The following OR2L13 variants were observed in gnomAD, a reference collection of about 807,000 sequenced individuals.
OR2L13 encodes the protein olfactory receptor 2L13.
Under a neutral mutation model 15.3 loss-of-function variants are expected in OR2L13, and 14 were observed. The ratio of observed to expected loss-of-function variants is 0.91; its 90% CI spans 0.60 to 1.43. OR2L13 has a LOEUF of 1.43. Ranked by LOEUF, OR2L13 falls within the 40% of genes most tolerant of loss-of-function variation. The pLI is 0.00. For synonymous variants in OR2L13, 152 were observed against 142.9 expected (o/e 1.06, Z -0.45); for missense variants, 367 against 387.9 (o/e 0.95, Z 0.45).
At chr1:248,008,169 T>G in the OR2L13 span, among the ~76,000 whole-genome samples, 98 of 152,266 alleles carry the variant, frequency 6.4e-4, no homozygotes, top group East Asian at 0.014. Context: ...AGCCTGGGAA[T>G]TGGAAGAATG....
chr1:248,056,313 G>T, the OR2L13 span, among the ~76,000 whole-genome samples: 16 of 151,966 alleles, frequency 1.1e-4, no homozygotes, highest in African/African-American at 3.9e-4. Context: ...CCAGCTCCTG[G>T]ATTCATTGTT....
At chr1:248,002,540 T>C in the OR2L13 span, among the ~76,000 whole-genome samples, 1 of 152,210 alleles carries the variant, frequency 6.6e-6, no homozygotes, top group African/African-American at 2.4e-5. Context: ...TGTTGTAGCA[T>C]GTGTCAAAAT....
At chr1:247,972,273 G>A in the OR2L13 span, among the ~76,000 whole-genome samples, 3 of 152,056 alleles carry the variant, frequency 2.0e-5, no homozygotes, top group Non-Finnish European at 4.4e-5. Flanking sequence ...CAAGATCAGA[G>A]TTTAACTGAA....
At chr1:247,984,256 T>TA in the OR2L13 span, among the ~76,000 whole-genome samples, 34 of 151,042 alleles carry the variant, frequency 2.3e-4, no homozygotes, top group African/African-American at 6.8e-4. Flanking sequence ...TTATTATTAT[T>TA]TTTAAATGAG....
chr1:248,029,979 A>C, the OR2L13 span: 1 of 152,188 alleles, frequency 6.6e-6, no homozygotes, highest in African/African-American at 2.4e-5. Context: ...GTCTCAGTGG[A>C]CAATCCCCAG....
the OR2L13 span, chr1:247,949,335 G>C: frequency 3.1e-6 from 5 of 1,614,040 alleles, no homozygotes; most frequent in African/African-American, 6.7e-5. Context: ...TGCTCACACT[G>C]TATATGTACT....
chr1:248,003,080 C>T, the OR2L13 span: 3 of 908,564 alleles, frequency 3.3e-6, no homozygotes, highest in Non-Finnish European at 5.4e-6. Context: ...GGATGAATTT[C>T]TGTCTTAACT....
At chr1:247,975,423 G>A in the OR2L13 span, 5,982 of 702,188 alleles carry the variant, frequency 8.5e-3, 368 homozygotes, top group Admixed American at 0.1. Flanking sequence ...AAGGGAGGAA[G>A]AAGGCCTATT....
chr1:248,076,485 A>G, the OR2L13 span, among the ~76,000 whole-genome samples: 1 of 152,174 alleles, frequency 6.6e-6, no homozygotes, highest in Non-Finnish European at 1.5e-5. Flanking sequence ...TGAGCATGGA[A>G]TATTCTTCCA....
upstream of OR2L13, among the ~76,000 whole-genome samples, chr1:248,090,935 C>T (rs1664583311): frequency 6.6e-6 from 1 of 152,056 alleles, no homozygotes; most frequent in African/African-American, 2.4e-5. Flanking sequence ...TCTCTGCATC[C>T]TCACCTTTTG....
At chr1:248,004,864 C>T in the OR2L13 span, among the ~76,000 whole-genome samples, 14 of 152,076 alleles carry the variant, frequency 9.2e-5, no homozygotes, top group African/African-American at 3.1e-4. Flanking sequence ...TGTCTTTTTC[C>T]CAGTGAACAT....
chr1:247,953,931 T>A, the OR2L13 span, among the ~76,000 whole-genome samples: 1 of 45,908 alleles, frequency 2.2e-5, no homozygotes, highest in Admixed American at 3.9e-4. Context: ...AGCCAGTGTC[T>A]CTTTTTTTTT....
At chr1:248,072,607 A>C in the OR2L13 span, among the ~76,000 whole-genome samples, 2 of 152,154 alleles carry the variant, frequency 1.3e-5, no homozygotes, top group African/African-American at 4.8e-5. Flanking sequence ...CAATGGCAGC[A>C]AAAGCCAAAA....
the OR2L13 span, among the ~76,000 whole-genome samples, chr1:247,976,205 T>C: frequency 6.6e-6 from 1 of 152,178 alleles, no homozygotes; most frequent in South Asian, 2.1e-4. Flanking sequence ...GGAGTTACAG[T>C]CTACTGAGTG....
At chr1:247,986,747 TG>T in the OR2L13 span, among the ~76,000 whole-genome samples, 4 of 152,256 alleles carry the variant, frequency 2.6e-5, no homozygotes, top group Non-Finnish European at 5.9e-5. Flanking sequence ...CCCATGAGCA[TG>T]GAATGTTCTT....
the OR2L13 span, chr1:248,040,141 A>G: frequency 6.6e-6 from 1 of 152,180 alleles, no homozygotes; most frequent in African/African-American, 2.4e-5. Flanking sequence ...TCATAAATCA[A>G]TAGGACTATT....
chr1:247,959,010 G>A, the OR2L13 span, among the ~76,000 whole-genome samples: 121,344 of 151,986 alleles, frequency 0.8, 52,624 homozygotes, highest in South Asian at 0.95. Flanking sequence ...TATTTTGCTC[G>A]TTAGTTGATG....
At chr1:247,940,396 G>A in the OR2L13 span, among the ~76,000 whole-genome samples, 3 of 152,070 alleles carry the variant, frequency 2.0e-5, no homozygotes, top group Non-Finnish European at 2.9e-5. Context: ...TGAGGTAAAT[G>A]TTTTAAGTTA....
upstream of OR2L13, among the ~76,000 whole-genome samples, chr1:248,092,077 T>C (rs1664609415): frequency 6.6e-6 from 1 of 152,198 alleles, no homozygotes; most frequent in Non-Finnish European, 1.5e-5. Flanking sequence ...GCTCTTACCT[T>C]GGCTGCTATT....
Sources: allele counts gnomAD v4.1 joint callset (sites outside exome capture counted in the v4.1 genomes callset), GRCh38; gene constraint gnomAD v4.1.1; transcripts MANE v1.5; gene names NCBI Gene and HGNC (gene_info 2026-07-23, HGNC 2026-07-21).